The following NEK5 variants were observed in gnomAD, a reference collection of about 807,000 sequenced individuals.
NEK5 encodes the protein serine/threonine-protein kinase Nek5.
Under a neutral mutation model 109.2 loss-of-function variants are expected in NEK5, and 88 were observed. That is an observed-to-expected ratio of 0.81 (90% CI 0.68 to 0.96). NEK5 has a LOEUF of 0.96. Ranked by LOEUF, NEK5 falls within the 40% of genes least tolerant of loss-of-function variation. The pLI, the probability that NEK5 is intolerant of heterozygous loss-of-function variation, is 0.00. For missense variants in NEK5, 834 were observed against 920.7 expected, an observed-to-expected ratio of 0.91 and a Z score of 1.22; for synonymous variants, 283 against 299.9, an observed-to-expected ratio of 0.94 and a Z score of 0.58.
intron 3 of NEK5, among the ~76,000 whole-genome samples, chr13:52,124,263 G>A (rs529552609): frequency 4.7e-4 from 72 of 152,114 alleles, no homozygotes; most frequent in African/African-American, 1.7e-3. Flanking sequence ...TCCTGCCTGG[G>A]CAACAGAATG....
chr13:52,078,148 C>G (rs967138865), intron 17 of NEK5, among the ~76,000 whole-genome samples: 18 of 151,634 alleles, frequency 1.2e-4, no homozygotes, highest in Non-Finnish European at 2.1e-4. Flanking sequence ...TGGAGACAAC[C>G]CAAATATCCA....
In NEK5 at chr13:52,036,957, T is replaced by G. The variant is rs1452157538; in HGVS notation, c.2490A>C (p.Ile830=). The change falls in exon 24 of 24, where the codon ATA becomes ATC. Residue 830 remains isoleucine (I), a synonymous_variant. Transcript: ENST00000684899. ...DQGTSTTSQN[I]QV is the part of the protein sequence containing the mutation. ...AGAAAAAGTACAATAATCACACTTG[T>G]ATATTTTGACTGGTTGTTGATGTTC... 1.0e-6 allele frequency: 1 copy of G among 985,038 alleles called. No individual in the cohort carries two copies. The highest frequency in any genetic ancestry group is 1.1e-4 in the East Asian group (1 of 8,818). 61.0% of individuals were successfully genotyped at this position (985,038 alleles called of 1,614,324 possible).
intron 22 of NEK5, among the ~76,000 whole-genome samples, chr13:52,052,464 A>C (rs1490855374): frequency 3.9e-5 from 6 of 152,154 alleles, no homozygotes; most frequent in Admixed American, 3.3e-4. Flanking sequence ...CTGCTCACAG[A>C]GTAGCTTGAC....
chr13:52,107,466 C>T (rs1955676937), intron 8 of NEK5, among the ~76,000 whole-genome samples: 1 of 152,032 alleles, frequency 6.6e-6, no homozygotes, highest in South Asian at 2.1e-4. Context: ...GTGGCAGCCA[C>T]CTGTAATCCC....
chr13:52,083,170 C>T (rs1217306089), intron 17 of NEK5, 90 bp downstream of exon 17: 37 of 844,318 alleles, frequency 4.4e-5, no homozygotes, highest in Admixed American at 1.0e-4. Flanking sequence ...AAGTTCCCTA[C>T]GTGGTTCTGC....
At chr13:52,103,129 G>T (rs1466502646) in intron 9 of NEK5, among the ~76,000 whole-genome samples, 1 of 152,122 alleles carries the variant, frequency 6.6e-6, no homozygotes, top group East Asian at 1.9e-4. Flanking sequence ...CCATGGTGTA[G>T]CAATAAAGGT....
At chr13:52,127,940 C>A (rs1956100249) in intron 1 of NEK5, among the ~76,000 whole-genome samples, 1 of 152,040 alleles carries the variant, frequency 6.6e-6, no homozygotes, top group African/African-American at 2.4e-5. Flanking sequence ...AGGGGGAATT[C>A]TGGAAATATA....
At chr13:52,090,857 C>T (rs1418338821) in intron 13 of NEK5, among the ~76,000 whole-genome samples, 1 of 152,034 alleles carries the variant, frequency 6.6e-6, no homozygotes, top group Non-Finnish European at 1.5e-5. Flanking sequence ...AACCCTGTCT[C>T]TTCTAAAAAT....
intron 21 of NEK5, chr13:52,064,857 C>G (rs1954661470): frequency 3.8e-6 from 1 of 262,492 alleles, no homozygotes; most frequent in South Asian, 4.1e-5. Context: ...TGTGCTGTGT[C>G]CACTCAGAGA....
intron 20 of NEK5, 38 bp from the exon 21 acceptor site, chr13:52,065,647 T>A: frequency 6.8e-7 from 1 of 1,469,358 alleles, no homozygotes; most frequent in Non-Finnish European, 9.5e-7. Context: ...TCGAAAGCAG[T>A]CAAAGTGTGA....
At chr13:52,062,380 A>G (rs1163440536) in intron 21 of NEK5, among the ~76,000 whole-genome samples, 1 of 152,100 alleles carries the variant, frequency 6.6e-6, no homozygotes, top group Non-Finnish European at 1.5e-5. Context: ...TGTGAAGATA[A>G]CATCCAGAGG....
chr13:52,047,512 A>C (rs1189171785), intron 23 of NEK5, among the ~76,000 whole-genome samples: 2 of 152,198 alleles, frequency 1.3e-5, no homozygotes, highest in East Asian at 3.8e-4. Context: ...TACTTAAAAA[A>C]TTTGGGACGT....
intron 11 of NEK5, among the ~76,000 whole-genome samples, chr13:52,101,401 G>GAA (rs59572240): frequency 7.0e-6 from 1 of 142,872 alleles, no homozygotes; most frequent in Non-Finnish European, 1.5e-5. Context: ...CTCCGTCTCG[G>GAA]AAAAAAAAAA....
chr13:52,079,379 C>T (rs1314711762), intron 17 of NEK5, among the ~76,000 whole-genome samples: 3 of 151,486 alleles, frequency 2.0e-5, no homozygotes, highest in Non-Finnish European at 4.4e-5. Context: ...GCTGCCATCT[C>T]GGCTCACTGC....
intron 3 of NEK5, among the ~76,000 whole-genome samples, chr13:52,121,379 C>G (rs1338061446): frequency 6.6e-6 from 1 of 152,010 alleles, no homozygotes; most frequent in Non-Finnish European, 1.5e-5. Flanking sequence ...AGGCTGCTCT[C>G]GAACTCCTGG....
rs1457772530 is a variant in NEK5 at position 52,075,377 on chromosome 13, A to AT, written c.1722+380dup. On this transcript the variant is annotated intron_variant, in intron 19 of 23. Coordinates refer to ENST00000684899, the MANE Select transcript of NEK5 (RefSeq NM_001365552.1). The stretch of plus-strand genomic sequence containing the variant: ...CAAATTACATAGGGATAGAAAACCA[A>AT]TTACATAGGGATAGAAAACCAAATT... Among the ~76,000 whole-genome samples, 3 of 152,192 alleles carry AT rather than the reference A, an allele frequency of 2.0e-5. No homozygotes were observed. The East Asian group carries it at 5.8e-4, about 29-fold the overall frequency.
chr13:52,071,982 G>A lies in NEK5; in HGVS notation c.1811C>T (p.Thr604Ile), dbSNP rs1437000479. Residue 604 changes from threonine (T) to isoleucine (I), a missense_variant, in exon 20 of 24, where the codon ACA (threonine) becomes ATA (isoleucine). Transcript: ENST00000684899. ...GTGAAGTTTTTCAAATGCTTTGTCTGTATAATCTCCATGCTCCTTTACACA... is the reference window on the plus strand; with the variant it reads ...GTGAAGTTTTTCAAATGCTTTGTCTATATAATCTCCATGCTCCTTTACACA... ...YECVKEHGDY[T>I]DKAFEKLHCP... is the part of the protein sequence containing the mutation. 3 of 1,612,230 alleles carry A rather than the reference G, an allele frequency of 1.9e-6. No individual in the cohort carries two copies. The highest frequency in any genetic ancestry group is 1.7e-5 in the Admixed American group (1 of 59,972).
Position 52,108,342 on chromosome 13 carries a change from T to G in NEK5, c.530A>C (p.Gln177Pro). ...CGTTTTATTGTTGTAGGGTTTATTC[T>G]GACAGATCTCTGGGGACAGGTAGTA... The part of the protein sequence containing the change: ...TPYYLSPEIC[Q>P]NKPYNNKTDI... The change falls in exon 8 of 24, where the codon CAG (glutamine) becomes CCG (proline). Residue 177 changes from glutamine to proline, a missense_variant. Coordinates refer to ENST00000684899, the MANE Select transcript of NEK5 (RefSeq NM_001365552.1). 3.7e-6 allele frequency: 6 copies of G among 1,611,556 alleles called. No individual in the cohort carries two copies. The highest frequency in any genetic ancestry group is 5.1e-6 in the Non-Finnish European group (6 of 1,178,148).
At chr13:52,080,217 G>C (rs1226533569) in intron 17 of NEK5, among the ~76,000 whole-genome samples, 3 of 138,420 alleles carry the variant, frequency 2.2e-5, no homozygotes, top group East Asian at 2.0e-4. Context: ...AGGGAGGTGG[G>C]GGGGGGTCAG....
Sources: allele counts gnomAD v4.1 joint callset (sites outside exome capture counted in the v4.1 genomes callset), GRCh38; gene constraint gnomAD v4.1.1; transcripts MANE v1.5; gene names NCBI Gene and HGNC (gene_info 2026-07-23, HGNC 2026-07-21).